Variants in EXOC3L1 observed in about 807,000 individuals in gnomAD.
EXOC3L1 encodes the protein exocyst complex component 3-like protein.
EXOC3L1 carries 79 observed loss-of-function variants against 83.6 expected under a neutral mutation model. The ratio of observed to expected loss-of-function variants is 0.95; its 90% CI spans 0.79 to 1.14. The LOEUF (loss-of-function observed/expected upper bound fraction) is 1.14. Among genes scored for constraint, EXOC3L1 ranks in the 50% most tolerant of loss-of-function variants. EXOC3L1 has a pLI of 0.00. For missense variants in EXOC3L1, 945 were observed against 972.0 expected (o/e 0.97, Z 0.37); for synonymous variants, 433 against 451.2 (o/e 0.96, Z 0.51).
Position 67,187,755 on chromosome 16 carries a change from C to T in EXOC3L1, c.510G>A (p.Glu170=), listed in dbSNP as rs540679502. The T allele has an allele frequency of 1.9e-5, 31 of 1,612,988 alleles. No homozygotes were observed. The highest frequency in any genetic ancestry group is 1.6e-4 in the Middle Eastern group (1 of 6,062). The change falls in exon 5 of 14, where the codon GAG becomes GAA. Residue 170 remains glutamate, a synonymous_variant. Transcript: ENST00000314586. ...GTGCCCACGTATCCTCTCGCAGCTG[C>T]TCCAGCTCCCGAAGGCTCACATATG... ...LEAYVSLREL[E]QLREDTWAPL... is the part of the protein sequence containing the mutation.
intron 9 of EXOC3L1, 73 bp from the exon 10 acceptor site, chr16:67,185,563 G>C: frequency 7.1e-7 from 1 of 1,415,550 alleles, no homozygotes; most frequent in Non-Finnish European, 9.8e-7. Context: ...CAGACCCTCC[G>C]GCGCCACCTT....
Position 67,188,824 on chromosome 16 carries a change from C to G in EXOC3L1, c.324G>C (p.Gln108His). The stretch of plus-strand genomic sequence containing the variant: ...GAGTCTGTAAGGCCTGGGACATGCC[C>G]TGGAGCAACCCACGGGCCTGGCTCA... ...EALSQARGLL[Q>H]GMSQALQTLE... Residue 108 changes from glutamine (Q) to histidine (H), a missense_variant, in exon 4 of 14, where the codon CAG becomes CAC. Gln to His is a conservative substitution (Grantham distance 24). Transcript: ENST00000314586. 1 of 1,613,364 alleles carries G rather than the reference C, an allele frequency of 6.2e-7. No individual in the cohort carries two copies. The highest frequency in any genetic ancestry group is 1.3e-5 in the African/African-American group (1 of 75,070).
intron 6 of EXOC3L1, 22 bp downstream of exon 6, chr16:67,186,999 G>T: frequency 6.2e-7 from 1 of 1,613,144 alleles, no homozygotes; most frequent in Non-Finnish European, 8.5e-7. Context: ...GACTTCTCTG[G>T]ACCTGTGCCT....
chr16:67,189,945 A>G (rs956784793), intron 1 of EXOC3L1, 26 bp downstream of exon 1: 23 of 544,578 alleles, frequency 4.2e-5, no homozygotes, highest in Non-Finnish European at 6.6e-5. Flanking sequence ...TCTGAGCTGC[A>G]CAGGACAGTT....
Position 67,184,710 on chromosome 16 carries a change from A to T in EXOC3L1, c.2006T>A (p.Leu669Gln), listed in dbSNP as rs2032632597. Residue 669 changes from leucine (L) to glutamine (Q), a missense_variant, in exon 13 of 14, where the codon CTG becomes CAG. Leu to Gln is a moderately radical substitution (Grantham distance 113, BLOSUM62 -2). Transcript: ENST00000314586. ...CCTCACGTCGGGAAATTGTTGCCGC[A>T]GGCCAGCCACCTCCAGGCCCAGCAG... ...PALLGLEVAG[L>Q]RQQFPDVSED... 6.3e-7 allele frequency: 1 copy of T among 1,577,588 alleles called. No individual in the cohort carries two copies. The highest frequency in any genetic ancestry group is 1.3e-5 in the African/African-American group (1 of 74,430).
At position 67,184,558 on chromosome 16, in the gene EXOC3L1, G is replaced by A; in HGVS notation, c.2077C>T (p.Arg693Trp). The change falls in exon 14 of 14, where the codon CGG (arginine) becomes TGG (tryptophan). Residue 693 changes from arginine (R) to tryptophan (W), a missense_variant. Physicochemically the swap from Arg to Trp is moderately radical, Grantham distance 101. Coordinates refer to ENST00000314586, the MANE Select transcript of EXOC3L1 (RefSeq NM_178516.4). ...CTGAGCGCGGCCAGGTGCTGCTCCC[G>A]GGACAAGTCCCCGCGCAGGCCCAAG... is the stretch of plus-strand genomic sequence containing the variant. ...ALLGLRGDLS[R>W]EQHLAALSSL... 6.5e-7 allele frequency: 1 copy of A among 1,538,696 alleles called. No homozygotes were observed. The highest frequency in any genetic ancestry group is 8.7e-7 in the Non-Finnish European group (1 of 1,150,410).
At chr16:67,189,711 C>T (rs190085998) in intron 1 of EXOC3L1, 28 bp from the exon 2 acceptor site, 114 of 1,612,258 alleles carry the variant, frequency 7.1e-5, no homozygotes, top group East Asian at 1.3e-4. Context: ...GAGGTGGGCC[C>T]GGGGCAAGCA....
chr16:67,184,695 G>T lies in EXOC3L1; in HGVS notation c.2021C>A (p.Pro674His). 1 of 1,576,210 alleles carries T rather than the reference G, an allele frequency of 6.3e-7. No individual in the cohort carries two copies. Residue 674 changes from proline (P) to histidine (H), a missense_variant, in exon 13 of 14, where the codon CCC becomes CAC. Pro to His is a moderately conservative substitution (Grantham distance 77, BLOSUM62 -2). Transcript: ENST00000314586. ...LEVAGLRQQF[P>H]DVSEDHVSAL... ...GGCCCCCAGTCCGCACCTCACGTCG[G>T]GAAATTGTTGCCGCAGGCCAGCCAC...
chr16:67,186,140 C>T lies in EXOC3L1; in HGVS notation c.1496+97G>A. The T allele has an allele frequency of 8.1e-6, 7 of 862,098 alleles. No individual in the cohort carries two copies. The South Asian group carries it at 8.9e-5, about 11-fold the overall frequency. 53.4% of individuals were successfully genotyped at this position (862,098 alleles called of 1,614,324 possible). On this transcript the variant is annotated intron_variant, in intron 9 of 13. Coordinates refer to ENST00000314586, the MANE Select transcript of EXOC3L1 (RefSeq NM_178516.4). Reference sequence around the variant, plus strand: ...TTGGAACCCCAGGGCGATGTGAGTCCAAAGTCCCTAGTGTCCTAGTGTGGG... The same window carrying T: ...TTGGAACCCCAGGGCGATGTGAGTCTAAAGTCCCTAGTGTCCTAGTGTGGG...
intron 4 of EXOC3L1, among the ~76,000 whole-genome samples, chr16:67,188,085 A>G (rs2145989437): frequency 6.6e-6 from 1 of 152,252 alleles, no homozygotes; most frequent in South Asian, 2.1e-4. Context: ...CTCTACTAAA[A>G]ATACAAAAAT....
In EXOC3L1 at chr16:67,187,260, G is replaced by A. The variant is rs759342950; in HGVS notation, c.1005C>T (p.Phe335=). ...CATGCAGTGCCCAGTGCAGCAAGGC[G>A]AAGGCATCCGCAGCTTCTAGCTCAG... ...AGPELEAADA[F]ALLHWALHVY... The change falls in exon 5 of 14, where the codon TTC becomes TTT. Residue 335 remains phenylalanine, a synonymous_variant. Transcript: ENST00000314586. 6 of 1,612,286 alleles carry A rather than the reference G, an allele frequency of 3.7e-6. No individual in the cohort carries two copies. Among genetic ancestry groups the A allele is most frequent in the Admixed American group, 3.3e-5 (2 of 59,996 alleles).
At chr16:67,189,246 TTTC>T in intron 2 of EXOC3L1, 66 bp from the exon 3 acceptor site, 1 of 1,362,990 alleles carries the variant, frequency 7.3e-7, no homozygotes, top group Non-Finnish European at 9.7e-7. Context: ...CAGTCCCAGC[TTTC>T]TTATTTATTT....
In EXOC3L1 at chr16:67,185,217, G is replaced by T; in HGVS notation, c.1668C>A (p.Ser556Arg). The change falls in exon 11 of 14, where the codon AGC (serine) becomes AGA (arginine). Residue 556 changes from serine (S) to arginine (R), a missense_variant. Coordinates refer to ENST00000314586, the MANE Select transcript of EXOC3L1 (RefSeq NM_178516.4). ...ADLPSRQWLS[S>R]PELLQSVCER... ...CACACACACTTTGCAGGAGCTCAGG[G>T]CTCGACAGCCATTGGCGCGAGGGCA... 1.2e-6 allele frequency: 2 copies of T among 1,613,240 alleles called. No homozygotes were observed. Among genetic ancestry groups the T allele is most frequent in the Non-Finnish European group, 1.7e-6 (2 of 1,179,990 alleles).
intron 1 of EXOC3L1, 52 bp from the exon 2 acceptor site, chr16:67,189,735 C>T (rs1352804206): frequency 9.6e-6 from 15 of 1,557,070 alleles, no homozygotes; most frequent in Non-Finnish European, 1.3e-5. Flanking sequence ...AGAGTAGATG[C>T]CCCTGTGAGC....
chr16:67,185,103 C>T (rs2032656862), intron 11 of EXOC3L1, 33 bp downstream of exon 11: 2 of 1,612,718 alleles, frequency 1.2e-6, no homozygotes, highest in Non-Finnish European at 1.7e-6. Context: ...CTCACCCGCG[C>T]CGCCCCTTCC....
intron 7 of EXOC3L1, 33 bp from the exon 8 acceptor site, chr16:67,186,690 C>G (rs777585017): frequency 2.2e-5 from 36 of 1,613,484 alleles, no homozygotes; most frequent in Non-Finnish European, 3.0e-5. Context: ...ATCGGCAAAG[C>G]CTCCCTCCTT....
intron 8 of EXOC3L1, 41 bp from the exon 9 acceptor site, chr16:67,186,388 T>C (rs2032723087): frequency 6.7e-7 from 1 of 1,492,816 alleles, no homozygotes; most frequent in South Asian, 1.2e-5. Context: ...GCTGCTATGC[T>C]GGCATCCCCA....
chr16:67,184,962 G>T lies in EXOC3L1; in HGVS notation c.1845C>A (p.Thr615=), dbSNP rs143965297. The T allele has an allele frequency of 1.2e-3, 1,975 of 1,610,532 alleles. 25 individuals carry two copies. In the African/African-American group the frequency reaches 0.023, roughly 19 times the overall value. Residue 615 remains threonine (T), a synonymous_variant, in exon 12 of 14, where the codon ACC becomes ACA. Coordinates refer to ENST00000314586, the MANE Select transcript of EXOC3L1 (RefSeq NM_178516.4). ...RLVCRGADER[T]QAAERLRHDA... is the part of the protein sequence containing the mutation. ...CGTGCCGCAGGCGCTCGGCCGCCTG[G>T]GTCCTCTCGTCGGCTCCGCGGCACA...
intron 4 of EXOC3L1, among the ~76,000 whole-genome samples, 165 bp from the exon 5 acceptor site, chr16:67,188,002 G>A (rs565044738): frequency 6.6e-6 from 1 of 152,306 alleles, no homozygotes; most frequent in South Asian, 2.1e-4. Context: ...CCAGCACTTC[G>A]GGAGGCCAAC....
Sources: gnomAD v4.1 joint callset for allele counts (sites outside exome capture counted in the v4.1 genomes callset) on GRCh38, gnomAD v4.1.1 for gene constraint, MANE v1.5 for transcripts, NCBI Gene and HGNC (gene_info 2026-07-23, HGNC 2026-07-21) for gene names.